SEMA5A: variants seen among roughly 807,000 people sequenced by gnomAD.
The protein encoded by SEMA5A is semaphorin 5A.
In SEMA5A, 55 loss-of-function variants were observed where a neutral mutation model predicts 135.5. The ratio of observed to expected loss-of-function variants is 0.41; its 90% CI spans 0.33 to 0.51. The LOEUF (loss-of-function observed/expected upper bound fraction) is 0.51. Among genes scored for constraint, SEMA5A ranks in the 20% least tolerant of loss-of-function variants. SEMA5A has a pLI of 0.37. For synonymous variants in SEMA5A, 580 were observed against 546.5 expected, an observed-to-expected ratio of 1.06 and a Z score of -0.85; for missense variants, 1,290 against 1,419.9, an observed-to-expected ratio of 0.91 and a Z score of 1.47.
chr5:9,458,669 C>T lies in SEMA5A; in HGVS notation c.-174-20817G>A, dbSNP rs61357966. On this transcript the variant is annotated intron_variant, in intron 1 of 22. Transcript: ENST00000382496. Reference sequence around the variant, plus strand: ...CAAGGGTGAGGGAGGGAAGACTCTACAGAAAACCAGGGCTCCATGTTCAAA... The same window carrying T: ...CAAGGGTGAGGGAGGGAAGACTCTATAGAAAACCAGGGCTCCATGTTCAAA... 6.7e-4 allele frequency among the ~76,000 whole-genome samples: 102 copies of T among 152,290 alleles called. 1 individual carries two copies. In the East Asian group the frequency reaches 0.017, roughly 25 times the overall value.
At chr5:9,294,241 CA>C (rs1433135410) in intron 5 of SEMA5A, among the ~76,000 whole-genome samples, 1 of 152,132 alleles carries the variant, frequency 6.6e-6, no homozygotes, top group Non-Finnish European at 1.5e-5. Context: ...TTTGGGACTT[CA>C]AAGTGCCATG....
intron 4 of SEMA5A, among the ~76,000 whole-genome samples, chr5:9,324,130 G>A (rs1051046021): frequency 1.3e-5 from 2 of 151,444 alleles, no homozygotes; most frequent in African/African-American, 4.9e-5. Context: ...GCGCAGTGGT[G>A]CTATCTTGGC....
intron 5 of SEMA5A, among the ~76,000 whole-genome samples, chr5:9,284,904 C>T (rs1245913669): frequency 6.6e-6 from 1 of 152,146 alleles, no homozygotes; most frequent in Non-Finnish European, 1.5e-5. Context: ...CAGCCAGAAC[C>T]CTGCCCAAGA....
chr5:9,414,061 A>C (rs774220525), intron 2 of SEMA5A, among the ~76,000 whole-genome samples: 18 of 152,158 alleles, frequency 1.2e-4, no homozygotes, highest in Non-Finnish European at 2.6e-4. Context: ...GTCTTTCTTG[A>C]CTAACAAGTG....
At chr5:9,450,765 A>G (rs1758613237) in intron 1 of SEMA5A, among the ~76,000 whole-genome samples, 1 of 152,224 alleles carries the variant, frequency 6.6e-6, no homozygotes, top group Non-Finnish European at 1.5e-5. Context: ...TCAAAAAAAA[A>G]AAAAAGAAAC....
At chr5:9,083,026 T>C (rs1443318418) in intron 16 of SEMA5A, among the ~76,000 whole-genome samples, 8 of 152,234 alleles carry the variant, frequency 5.3e-5, no homozygotes, top group Admixed American at 5.2e-4. Context: ...GCTCATATTC[T>C]GTAAATAAGT....
At chr5:9,044,989 T>G (rs1393784153) in intron 21 of SEMA5A, among the ~76,000 whole-genome samples, 1 of 152,092 alleles carries the variant, frequency 6.6e-6, no homozygotes, top group Non-Finnish European at 1.5e-5. Context: ...TTCTCCATGT[T>G]GGTCAGGCTA....
Position 9,335,231 on chromosome 5 carries a change from G to A in SEMA5A, c.224+2482C>T, listed in dbSNP as rs535675529. Among the ~76,000 whole-genome samples, 18 of 152,198 alleles carry A rather than the reference G, an allele frequency of 1.2e-4. No individual in the cohort carries two copies. The South Asian group carries it at 3.3e-3, about 28-fold the overall frequency. ...TGGAGATATTGGACAGAGACCTCTA[G>A]GGATACTGAGAGAGAGAGAGACACC... On this transcript the variant is annotated intron_variant, in intron 4 of 22. Transcript: ENST00000382496.
chr5:9,205,194 C>T (rs1422197530), intron 8 of SEMA5A, among the ~76,000 whole-genome samples: 1 of 152,144 alleles, frequency 6.6e-6, no homozygotes, highest in African/African-American at 2.4e-5. Flanking sequence ...GGACAGTCAT[C>T]TTTCCATGGA....
intron 8 of SEMA5A, among the ~76,000 whole-genome samples, chr5:9,208,897 G>T (rs1746194894): frequency 6.6e-6 from 1 of 152,160 alleles, no homozygotes; most frequent in Admixed American, 6.5e-5. Flanking sequence ...TCAGGGCCTT[G>T]CATCCTCAGG....
intron 13 of SEMA5A, among the ~76,000 whole-genome samples, chr5:9,129,272 G>A (rs1050267647): frequency 6.6e-6 from 1 of 152,258 alleles, no homozygotes; most frequent in Non-Finnish European, 1.5e-5. Flanking sequence ...AAATCACAGT[G>A]AGAACACACA....
At chr5:9,536,150 C>T (rs570880193) in intron 1 of SEMA5A, among the ~76,000 whole-genome samples, 2 of 152,182 alleles carry the variant, frequency 1.3e-5, no homozygotes, top group South Asian at 2.1e-4. Flanking sequence ...TGGGGGAGGA[C>T]GGTTTGGCTC....
At chr5:9,090,389 C>T (rs886417000) in intron 16 of SEMA5A, among the ~76,000 whole-genome samples, 1 of 152,210 alleles carries the variant, frequency 6.6e-6, no homozygotes, top group Non-Finnish European at 1.5e-5. Flanking sequence ...CTGCTGATAG[C>T]TCTTTAACTT....
intron 13 of SEMA5A, among the ~76,000 whole-genome samples, chr5:9,124,223 G>A (rs1017613714): frequency 6.6e-6 from 1 of 152,092 alleles, no homozygotes; most frequent in Non-Finnish European, 1.5e-5. Flanking sequence ...GCATGGCATC[G>A]CTGGGACATG....
chr5:9,335,258 C>A (rs917178125), intron 4 of SEMA5A, among the ~76,000 whole-genome samples: 2 of 152,142 alleles, frequency 1.3e-5, no homozygotes, highest in African/African-American at 4.8e-5. Flanking sequence ...AGAGACACCC[C>A]ACTGACACTG....
intron 5 of SEMA5A, among the ~76,000 whole-genome samples, chr5:9,299,606 C>T (rs562418369): frequency 1.3e-5 from 2 of 152,238 alleles, no homozygotes; most frequent in South Asian, 2.1e-4. Flanking sequence ...ACCTTGCCAG[C>T]GTTGGGCTCA....
chr5:9,437,679 A>C (rs186643545), intron 2 of SEMA5A, 77 bp downstream of exon 2: 56 of 151,094 alleles, frequency 3.7e-4, no homozygotes, highest in African/African-American at 1.3e-3. Flanking sequence ...ACAGAAGTAA[A>C]GCTCACAAGC....
Position 9,063,095 on chromosome 5 carries a change from C to T in SEMA5A, c.2310G>A (p.Gly770=). ...TSGCSTDGLS[G]DFLRAGRYSA... is the part of the protein sequence containing the mutation. ...AGTATCTCCCAGCACGCAGGAAATCCCCAGAAAGCCCTGCCAAGGAAACAG... is the reference window on the plus strand; with the variant it reads ...AGTATCTCCCAGCACGCAGGAAATCTCCAGAAAGCCCTGCCAAGGAAACAG... The change falls in exon 18 of 23, where the codon GGG becomes GGA. Residue 770 remains glycine, a synonymous_variant. Coordinates refer to ENST00000382496, the MANE Select transcript of SEMA5A (RefSeq NM_003966.3). The T allele has an allele frequency of 6.2e-7, 1 of 1,612,326 alleles. No individual in the cohort carries two copies.
Position 9,061,645 on chromosome 5 carries a change from A to T in SEMA5A, c.2518+1242T>A, listed in dbSNP as rs183305348. 2.6e-3 allele frequency among the ~76,000 whole-genome samples: 400 copies of T among 152,274 alleles called. 3 individuals carry two copies. Among genetic ancestry groups the T allele is most frequent in the Middle Eastern group, 0.01 (3 of 294 alleles). On this transcript the variant is annotated intron_variant, in intron 18 of 22. Coordinates refer to ENST00000382496, the MANE Select transcript of SEMA5A (RefSeq NM_003966.3). Reference sequence around the variant, plus strand: ...AGGGGCTTGAATATTAAAGGGAAAGATGGAGGAGTGTTTCAGGCATTGTCA... The same window carrying T: ...AGGGGCTTGAATATTAAAGGGAAAGTTGGAGGAGTGTTTCAGGCATTGTCA...
Sources: gnomAD v4.1 joint callset for allele counts (sites outside exome capture counted in the v4.1 genomes callset) on GRCh38, gnomAD v4.1.1 for gene constraint, MANE v1.5 for transcripts, NCBI Gene and HGNC (gene_info 2026-07-23, HGNC 2026-07-21) for gene names.